ABRAXAS1: variants seen among roughly 807,000 people sequenced by gnomAD.
ABRAXAS1 encodes the protein abraxas 1, BRCA1 A complex subunit.
In ABRAXAS1, 26 loss-of-function variants were observed where a neutral mutation model predicts 38.4. That is an observed-to-expected ratio of 0.68 (90% CI 0.50 to 0.94). The LOEUF (loss-of-function observed/expected upper bound fraction) is 0.94, where lower values mean the gene tolerates loss of function less well. Among genes scored for constraint, ABRAXAS1 ranks in the 40% least tolerant of loss-of-function variants. The pLI, the probability that ABRAXAS1 is intolerant of heterozygous loss-of-function variation, is 0.00. For synonymous variants in ABRAXAS1, 144 were observed against 165.5 expected, an observed-to-expected ratio of 0.87 and a Z score of 1.00; for missense variants, 438 against 481.9, an observed-to-expected ratio of 0.91 and a Z score of 0.85.
chr4:83,462,439 T>C lies in ABRAXAS1; in HGVS notation c.*30A>G, dbSNP rs1560570364. 2 of 1,559,048 alleles carry C rather than the reference T, an allele frequency of 1.3e-6. No individual in the cohort carries two copies. The highest frequency in any genetic ancestry group is 1.7e-6 in the Non-Finnish European group (2 of 1,153,862). On this transcript the variant is annotated 3_prime_UTR_variant, in exon 9 of 9. Coordinates refer to ENST00000321945, the MANE Select transcript of ABRAXAS1 (RefSeq NM_139076.3). ...TGTTTGGCTTTACCCATCAGCCAAA[T>C]AAAAAAATCTCCTTGTAAGGTTAAA... is the stretch of plus-strand genomic sequence containing the variant.
intron 7 of ABRAXAS1, among the ~76,000 whole-genome samples, chr4:83,465,102 C>T (rs1048771818): frequency 2.0e-5 from 3 of 151,876 alleles, no homozygotes; most frequent in Admixed American, 1.3e-4. Context: ...TCGAGACCAA[C>T]CTGGCCAACA....
chr4:83,474,144 A>AAAT (rs1722680704), intron 3 of ABRAXAS1, among the ~76,000 whole-genome samples: 11 of 141,940 alleles, frequency 7.7e-5, no homozygotes, highest in African/African-American at 2.6e-4. Flanking sequence ...CCTTGTCTAA[A>AAAT]AAATAAATAA....
At chr4:83,484,759 G>T in intron 1 of ABRAXAS1, 1 of 409,684 alleles carries the variant, frequency 2.4e-6, no homozygotes, top group Non-Finnish European at 4.4e-6. Flanking sequence ...GGTCGGAAAA[G>T]GGAAATAACG....
At position 83,485,049 on chromosome 4, in the gene ABRAXAS1, C is replaced by A; in HGVS notation, c.24G>T (p.Ala8=). 1.3e-6 allele frequency: 2 copies of A among 1,594,008 alleles called. No individual in the cohort carries two copies. Among genetic ancestry groups the A allele is most frequent in the Non-Finnish European group, 1.7e-6 (2 of 1,170,952 alleles). Residue 8 remains alanine, a synonymous_variant, in exon 1 of 9, where the codon GCG becomes GCT. Transcript: ENST00000321945. ...CGCCGAGCACAAAGCCCGAGAGCAC[C>A]GCCGACGTACTCTCCCCCTCCATGC... MEGESTS[A]VLSGFVLGAL...
chr4:83,473,495 A>T (rs991508968), intron 3 of ABRAXAS1, among the ~76,000 whole-genome samples: 1 of 152,104 alleles, frequency 6.6e-6, no homozygotes, highest in Non-Finnish European at 1.5e-5. Flanking sequence ...TCTGGGGAGA[A>T]GATGAAGGGG....
chr4:83,470,778 C>G (rs1722551531), intron 4 of ABRAXAS1, among the ~76,000 whole-genome samples: 1 of 152,142 alleles, frequency 6.6e-6, no homozygotes, highest in African/African-American at 2.4e-5. Flanking sequence ...AAATTAATCG[C>G]CTGTATGGAC....
intron 3 of ABRAXAS1, 59 bp from the exon 4 acceptor site, chr4:83,472,347 A>G: frequency 9.3e-7 from 1 of 1,077,304 alleles, no homozygotes; most frequent in Non-Finnish European, 1.3e-6. Flanking sequence ...TAATTTTATT[A>G]GTATTTTAAA....
chr4:83,478,076 G>A (rs1052991571), intron 2 of ABRAXAS1: 15 of 911,532 alleles, frequency 1.6e-5, no homozygotes, highest in South Asian at 9.0e-5. Flanking sequence ...TGCTGCCATC[G>A]TTGTGGGAGT....
At chr4:83,467,363 C>T in intron 7 of ABRAXAS1, 91 bp downstream of exon 7, 1 of 768,888 alleles carries the variant, frequency 1.3e-6, no homozygotes, top group Non-Finnish European at 2.3e-6. Flanking sequence ...TAAATCTAAT[C>T]AAGATGTCAG....
At chr4:83,478,364 T>C in intron 2 of ABRAXAS1, 1 of 587,324 alleles carries the variant, frequency 1.7e-6, no homozygotes, top group Non-Finnish European at 3.4e-6. Flanking sequence ...GGCTTTGGCG[T>C]GGACCCTGGA....
intron 2 of ABRAXAS1, chr4:83,479,024 T>A (rs907122967): frequency 2.6e-5 from 4 of 152,238 alleles, no homozygotes; most frequent in African/African-American, 9.6e-5. Flanking sequence ...ACCTCTTTTG[T>A]AATTAAGAAA....
intron 3 of ABRAXAS1, among the ~76,000 whole-genome samples, chr4:83,474,606 T>C (rs1171349838): frequency 6.6e-6 from 1 of 151,676 alleles, no homozygotes; most frequent in Non-Finnish European, 1.5e-5. Context: ...TCCCAGCTAC[T>C]TGGAGGCTGA....
At position 83,485,090 on chromosome 4, in the gene ABRAXAS1, C is replaced by G. The variant is rs757257746; in HGVS notation, c.-18G>C. 1.3e-6 allele frequency: 2 copies of G among 1,569,660 alleles called. No homozygotes were observed. Among genetic ancestry groups the G allele is most frequent in the Non-Finnish European group, 1.7e-6 (2 of 1,156,534 alleles). On this transcript the variant is annotated 5_prime_UTR_variant, in exon 1 of 9. Coordinates refer to ENST00000321945, the MANE Select transcript of ABRAXAS1 (RefSeq NM_139076.3). ...CCCTCCATGCTACCGCCGCCTCAGGCTACACAAGAGGACGAGGGCGGGGCG... is the reference window on the plus strand; with the variant it reads ...CCCTCCATGCTACCGCCGCCTCAGGGTACACAAGAGGACGAGGGCGGGGCG...
chr4:83,462,429 A>G lies in ABRAXAS1; in HGVS notation c.*40T>C, dbSNP rs1168489041. The G allele has an allele frequency of 2.6e-6, 4 of 1,522,148 alleles. No homozygotes were observed. The highest frequency in any genetic ancestry group is 3.6e-6 in the Non-Finnish European group (4 of 1,123,616). The allele number at this position is 1,522,148 out of a possible 1,614,324, so 94.3% of individuals were successfully genotyped here. ...ACAATAGAAATGTTTGGCTTTACCCATCAGCCAAATAAAAAAATCTCCTTG... is the reference window on the plus strand; with the variant it reads ...ACAATAGAAATGTTTGGCTTTACCCGTCAGCCAAATAAAAAAATCTCCTTG... On this transcript the variant is annotated 3_prime_UTR_variant, in exon 9 of 9. Transcript: ENST00000321945.
At chr4:83,472,348 G>A (rs1722615647) in intron 3 of ABRAXAS1, 60 bp from the exon 4 acceptor site, 1 of 1,071,772 alleles carries the variant, frequency 9.3e-7, no homozygotes, top group African/African-American at 1.6e-5. Context: ...AATTTTATTA[G>A]TATTTTAAAT....
At position 83,461,141 on chromosome 4, in the gene ABRAXAS1, A is replaced by G; in HGVS notation, c.*1328T>C. 1 of 1,613,576 alleles carries G rather than the reference A, an allele frequency of 6.2e-7. No individual in the cohort carries two copies. Among genetic ancestry groups the G allele is most frequent in the South Asian group, 1.1e-5 (1 of 91,058 alleles). On this transcript the variant is annotated 3_prime_UTR_variant, in exon 9 of 9. Coordinates refer to ENST00000321945, the MANE Select transcript of ABRAXAS1 (RefSeq NM_139076.3). The stretch of plus-strand genomic sequence containing the variant: ...TACAGGGTTTATGCCAGTTACATAC[A>G]AGGATCCTGCATATCTCAAGGACCC...
At chr4:83,471,684 T>A (rs1305847611) in intron 4 of ABRAXAS1, among the ~76,000 whole-genome samples, 1 of 152,046 alleles carries the variant, frequency 6.6e-6, no homozygotes, top group Non-Finnish European at 1.5e-5. Context: ...ATAGGAAACA[T>A]CCCTGCAGTA....
At chr4:83,476,112 G>C (rs1210541057) in intron 3 of ABRAXAS1, among the ~76,000 whole-genome samples, 1 of 152,164 alleles carries the variant, frequency 6.6e-6, no homozygotes, top group Non-Finnish European at 1.5e-5. Flanking sequence ...GAGGTGGAGA[G>C]GGTCACCTGA....
In ABRAXAS1 at chr4:83,460,373, T is replaced by G. The variant is rs1722042003; in HGVS notation, c.*2096A>C. ...TTTCTCCATGTTGGCCAGGCTGGTC[T>G]TGAATTCCTGACCTCAGGTGATCCA... On this transcript the variant is annotated 3_prime_UTR_variant, in exon 9 of 9. Coordinates refer to ENST00000321945, the MANE Select transcript of ABRAXAS1 (RefSeq NM_139076.3). 1 of 152,198 alleles carries G rather than the reference T, an allele frequency of 6.6e-6. No individual in the cohort carries two copies. The highest frequency in any genetic ancestry group is 2.4e-5 in the African/African-American group (1 of 41,406). 9.4% of individuals were successfully genotyped at this position (152,198 alleles called of 1,614,324 possible). A position where few individuals can be genotyped will look rare whatever the true frequency, so the allele number is the denominator to read the frequency against.
Sources: allele counts gnomAD v4.1 joint callset (sites outside exome capture counted in the v4.1 genomes callset), GRCh38; gene constraint gnomAD v4.1.1; transcripts MANE v1.5; gene names NCBI Gene and HGNC (gene_info 2026-07-23, HGNC 2026-07-21).